Variants in FBXL20 observed in about 807,000 individuals in gnomAD.
FBXL20 encodes F-box and leucine rich repeat protein 20.
Under a neutral mutation model 64.0 loss-of-function variants are expected in FBXL20, and 11 were observed. The ratio of observed to expected loss-of-function variants is 0.17; its 90% CI spans 0.11 to 0.28. The LOEUF (loss-of-function observed/expected upper bound fraction) is 0.28, where lower values mean the gene tolerates loss of function less well. Among genes scored for constraint, FBXL20 ranks in the 10% least tolerant of loss-of-function variants. The probability of loss-of-function intolerance (pLI) is 1.00; values close to 1 mark genes in which losing one functional copy is unlikely to be tolerated. For missense variants in FBXL20, 303 were observed against 526.2 expected, an observed-to-expected ratio of 0.58 and a Z score of 4.15; for synonymous variants, 184 against 189.0, an observed-to-expected ratio of 0.97 and a Z score of 0.22.
chr17:39,292,640 T>A (rs1010043757), intron 6 of FBXL20, among the ~76,000 whole-genome samples: 2 of 151,486 alleles, frequency 1.3e-5, no homozygotes, highest in African/African-American at 2.4e-5. Flanking sequence ...TTCTTTTTTT[T>A]GAGAGTTTTT....
chr17:39,346,361 A>C (rs1198925214), intron 1 of FBXL20, among the ~76,000 whole-genome samples: 30 of 152,066 alleles, frequency 2.0e-4, no homozygotes, highest in Admixed American at 2.0e-3. Flanking sequence ...GATAATCATC[A>C]TAATGAATGG....
At chr17:39,294,973 CAA>C (rs575502876) in intron 6 of FBXL20, among the ~76,000 whole-genome samples, 93 of 151,948 alleles carry the variant, frequency 6.1e-4, no homozygotes, top group Non-Finnish European at 1.3e-3. Context: ...CGTCTCAAAA[CAA>C]AAAAAGTTAA....
Position 39,255,279 on chromosome 17 carries a change from T to C in FBXL20, c.*6181A>G, listed in dbSNP as rs1014937724. 6.6e-6 allele frequency: 1 copy of C among 151,742 alleles called. No homozygotes were observed. The highest frequency in any genetic ancestry group is 2.4e-5 in the African/African-American group (1 of 41,248). 9.4% of individuals were successfully genotyped at this position (151,742 alleles called of 1,614,324 possible). A position where few individuals can be genotyped will look rare whatever the true frequency, so the allele number is the denominator to read the frequency against. On this transcript the variant is annotated 3_prime_UTR_variant, in exon 15 of 15. Coordinates refer to ENST00000264658, the MANE Select transcript of FBXL20 (RefSeq NM_032875.3). ...GGTGAAACCCCGTCTCTACTAAAAA[T>C]ACAAAAAATTAGCCGGGCGTGGTGG...
Position 39,278,548 on chromosome 17 carries a change from CT to C in FBXL20, c.696+2840del, listed in dbSNP as rs61642275. Reference sequence around the variant, plus strand: ...ATCTCTCAGGAGTAAACATTCCAGTCTTTTTTTTTTTTTTTTTGAGATGGAG... The same window carrying C: ...ATCTCTCAGGAGTAAACATTCCAGTCTTTTTTTTTTTTTTTTGAGATGGAG... On this transcript the variant is annotated intron_variant, in intron 9 of 14. Transcript: ENST00000264658. Among the ~76,000 whole-genome samples the C allele has an allele frequency of 1.6e-3, 209 of 128,164 alleles. 1 individual carries two copies. Among genetic ancestry groups the C allele is most frequent in the Middle Eastern group, 4.3e-3 (1 of 230 alleles). 84.1% of individuals were successfully genotyped at this position (128,164 alleles called of 152,430 possible).
intron 6 of FBXL20, 67 bp from the exon 7 acceptor site, chr17:39,285,640 C>T: frequency 1.9e-6 from 2 of 1,033,290 alleles, no homozygotes; most frequent in Non-Finnish European, 2.8e-6. Context: ...GTATATCAGA[C>T]ACTGTTCTTA....
In FBXL20 at chr17:39,253,930, A is replaced by G. The variant is rs2144312049; in HGVS notation, c.*7530T>C. On this transcript the variant is annotated 3_prime_UTR_variant, in exon 15 of 15. Transcript: ENST00000264658. Reference sequence around the variant, plus strand: ...TCATTCTCTAGTGCCATAAAAAAGGAAAAGAAAAAAAAAGAGTAGAATAAT... The same window carrying G: ...TCATTCTCTAGTGCCATAAAAAAGGGAAAGAAAAAAAAAGAGTAGAATAAT... The G allele has an allele frequency of 1.3e-5, 2 of 152,168 alleles. No individual in the cohort carries two copies. Among genetic ancestry groups the G allele is most frequent in the East Asian group, 1.9e-4 (1 of 5,256 alleles). The allele number at this position is 152,168 out of a possible 1,614,324, so 9.4% of individuals were successfully genotyped here. A position where few individuals can be genotyped will look rare whatever the true frequency, so the allele number is the denominator to read the frequency against.
chr17:39,308,876 A>AT (rs1567873437), intron 2 of FBXL20, among the ~76,000 whole-genome samples: 2 of 151,956 alleles, frequency 1.3e-5, no homozygotes, highest in South Asian at 4.2e-4. Flanking sequence ...ACAATAAAAA[A>AT]TTTTTTAAAA....
rs893932249 is a variant in FBXL20, at chr17:39,379,813, T to C, written c.42+21548A>G. Among the ~76,000 whole-genome samples, 12 of 151,772 alleles carry C rather than the reference T, an allele frequency of 7.9e-5. No homozygotes were observed. The South Asian group carries it at 1.0e-3, about 13-fold the overall frequency. On this transcript the variant is annotated intron_variant, in intron 1 of 14. Transcript: ENST00000264658. The stretch of plus-strand genomic sequence containing the variant: ...TAAAATAACATAAAATAAATAAGTA[T>C]ATAAAATATTTAACAATTAGCTGGG...
chr17:39,255,957 G>A lies in FBXL20; in HGVS notation c.*5503C>T, dbSNP rs2046691425. 6.6e-6 allele frequency: 1 copy of A among 152,064 alleles called. No homozygotes were observed. The highest frequency in any genetic ancestry group is 2.1e-4 in the South Asian group (1 of 4,824). 9.4% of individuals were successfully genotyped at this position (152,064 alleles called of 1,614,324 possible). A position where few individuals can be genotyped will look rare whatever the true frequency, so the allele number is the denominator to read the frequency against. ...ACCCAATTTTATTCCTAAACTACCT[G>A]GGCTAATTATACCCTACTGGTATGA... On this transcript the variant is annotated 3_prime_UTR_variant, in exon 15 of 15. Transcript: ENST00000264658.
chr17:39,277,944 G>A (rs1266324597), intron 9 of FBXL20, among the ~76,000 whole-genome samples: 2 of 152,022 alleles, frequency 1.3e-5, no homozygotes, highest in Non-Finnish European at 2.9e-5. Context: ...TAAGATTTGG[G>A]TGAAGGAAAA....
At chr17:39,399,300 G>A (rs2048218087) in intron 1 of FBXL20, among the ~76,000 whole-genome samples, 1 of 152,138 alleles carries the variant, frequency 6.6e-6, no homozygotes, top group Non-Finnish European at 1.5e-5. Flanking sequence ...AATATCATTT[G>A]ATGTAAATGT....
chr17:39,401,414 G>C lies in FBXL20; in HGVS notation c.-12C>G. On this transcript the variant is annotated 5_prime_UTR_variant, in exon 1 of 15. Transcript: ENST00000264658. ...ACGTCCCTCCTCATGGGGCCGGCGG[G>C]TGCGGCCCGGGCCGGGCGCTGCGGC... The C allele has an allele frequency of 6.3e-7, 1 of 1,596,230 alleles. No homozygotes were observed. Among genetic ancestry groups the C allele is most frequent in the South Asian group, 1.1e-5 (1 of 89,082 alleles).
At chr17:39,352,999 CT>C (rs1370984201) in intron 1 of FBXL20, among the ~76,000 whole-genome samples, 1 of 152,036 alleles carries the variant, frequency 6.6e-6, no homozygotes, top group African/African-American at 2.4e-5. Context: ...TTCTTTACCC[CT>C]TTCTCAATTC....
chr17:39,275,732 A>G (rs1006320843), intron 9 of FBXL20, among the ~76,000 whole-genome samples: 3 of 152,062 alleles, frequency 2.0e-5, no homozygotes, highest in Non-Finnish European at 4.4e-5. Flanking sequence ...TAAAACCTAG[A>G]AAAAAGATAA....
intron 1 of FBXL20, among the ~76,000 whole-genome samples, chr17:39,348,205 G>A (rs1385855411): frequency 1.3e-5 from 2 of 151,862 alleles, no homozygotes; most frequent in African/African-American, 2.4e-5. Context: ...GCTCACGCCT[G>A]TAATCCCAGC....
intron 1 of FBXL20, among the ~76,000 whole-genome samples, chr17:39,395,386 T>C (rs1195574639): frequency 6.6e-6 from 1 of 152,150 alleles, no homozygotes; most frequent in Non-Finnish European, 1.5e-5. Flanking sequence ...ATCATGCCAC[T>C]GCACTCCAGC....
chr17:39,295,759 C>CT (rs2047078272), intron 6 of FBXL20, among the ~76,000 whole-genome samples: 1 of 138,906 alleles, frequency 7.2e-6, no homozygotes, highest in Non-Finnish European at 1.6e-5. Context: ...CATTTCCATT[C>CT]TTTTTGAAAA....
At chr17:39,308,010 T>C (rs1235130576) in intron 2 of FBXL20, among the ~76,000 whole-genome samples, 2 of 150,206 alleles carry the variant, frequency 1.3e-5, no homozygotes, top group Admixed American at 1.3e-4. Flanking sequence ...TTTGTGGACA[T>C]AGTAAATGAT....
chr17:39,360,774 T>C (rs1209385454), intron 1 of FBXL20, among the ~76,000 whole-genome samples: 4 of 152,156 alleles, frequency 2.6e-5, no homozygotes, highest in East Asian at 3.8e-4. Context: ...TCAGAGACAG[T>C]AGCTATTCAG....
Sources: gnomAD v4.1 joint callset for allele counts (sites outside exome capture counted in the v4.1 genomes callset) on GRCh38, gnomAD v4.1.1 for gene constraint, MANE v1.5 for transcripts, NCBI Gene and HGNC (gene_info 2026-07-23, HGNC 2026-07-21) for gene names.